ADARB2: variants seen among roughly 807,000 people sequenced by gnomAD.
The protein encoded by ADARB2 is adenosine deaminase RNA specific B2 (inactive).
ADARB2 carries 25 observed loss-of-function variants against 62.2 expected under a neutral mutation model. The ratio of observed to expected loss-of-function variants is 0.40; its 90% CI spans 0.29 to 0.56. ADARB2 has a LOEUF of 0.56. Among genes scored for constraint, ADARB2 ranks in the 20% least tolerant of loss-of-function variants. The probability of loss-of-function intolerance (pLI) is 0.43; values close to 1 mark genes in which losing one functional copy is unlikely to be tolerated. For synonymous variants in ADARB2, 572 were observed against 500.8 expected, an observed-to-expected ratio of 1.14 and a Z score of -1.90; for missense variants, 1,071 against 1,077.4, an observed-to-expected ratio of 0.99 and a Z score of 0.08.
chr10:1,645,533 A>G (rs532285712), intron 1 of ADARB2, among the ~76,000 whole-genome samples: 60 of 152,318 alleles, frequency 3.9e-4, no homozygotes, highest in African/African-American at 1.4e-3. Flanking sequence ...CTTAAAGTCC[A>G]ACTCTGATTG....
intron 1 of ADARB2, among the ~76,000 whole-genome samples, chr10:1,597,567 T>C (rs1159985108): frequency 6.6e-6 from 1 of 152,146 alleles, no homozygotes; most frequent in Non-Finnish European, 1.5e-5. Flanking sequence ...AAAACCACAA[T>C]GGGACATCGT....
In ADARB2 at chr10:1,289,765, C is replaced by T. The variant is rs113269590; in HGVS notation, c.1078-18696G>A. Among the ~76,000 whole-genome samples the T allele has an allele frequency of 9.5e-3, 1,455 of 152,370 alleles. 13 individuals carry two copies. The highest frequency in any genetic ancestry group is 0.03 in the African/African-American group (1,228 of 41,590). On this transcript the variant is annotated intron_variant, in intron 3 of 9. Transcript: ENST00000381312. ...CACAGGATCCAGCCCCTGGGGGGAC[C>T]GCCCGACCTTCACTCCACGGTGGGT...
chr10:1,453,614 G>A (rs1170500354), intron 1 of ADARB2, among the ~76,000 whole-genome samples: 1 of 152,070 alleles, frequency 6.6e-6, no homozygotes, highest in Non-Finnish European at 1.5e-5. Context: ...ATACGAATTG[G>A]TTTCTAGACA....
At chr10:1,202,030 A>G (rs1187388716) in intron 7 of ADARB2, among the ~76,000 whole-genome samples, 1 of 152,190 alleles carries the variant, frequency 6.6e-6, no homozygotes, top group Non-Finnish European at 1.5e-5. Context: ...GAGAATGGCA[A>G]CAAATCCTGG....
At position 1,188,970 on chromosome 10, in the gene ADARB2, C is replaced by T. The variant is rs1055160495; in HGVS notation, c.1865-3931G>A. Among the ~76,000 whole-genome samples the T allele has an allele frequency of 1.4e-3, 216 of 152,234 alleles. 2 individuals carry two copies. The highest frequency in any genetic ancestry group is 5.3e-4 in the Non-Finnish European group (36 of 68,034). ...CCTCTTCCCACGCTGGGGCCCAGCC[C>T]TCCCGCACCAGGTGCCCAGGCTCCA... On this transcript the variant is annotated intron_variant, in intron 8 of 9. Coordinates refer to ENST00000381312, the MANE Select transcript of ADARB2 (RefSeq NM_018702.4).
At chr10:1,206,265 T>C (rs1218476810) in intron 7 of ADARB2, among the ~76,000 whole-genome samples, 1 of 152,250 alleles carries the variant, frequency 6.6e-6, no homozygotes, top group East Asian at 1.9e-4. Context: ...TAACGATTCC[T>C]CCTTAAGCCG....
chr10:1,413,410 C>T (rs1564283352), intron 1 of ADARB2, among the ~76,000 whole-genome samples: 1 of 152,188 alleles, frequency 6.6e-6, no homozygotes, highest in Non-Finnish European at 1.5e-5. Context: ...CATGCCCAAG[C>T]TCTCGGTCTT....
At chr10:1,305,852 AC>A (rs1307667680) in intron 3 of ADARB2, among the ~76,000 whole-genome samples, 1 of 151,754 alleles carries the variant, frequency 6.6e-6, no homozygotes, top group Admixed American at 6.6e-5. Flanking sequence ...AAATTCAACA[AC>A]CCTTCATGCT....
rs141755218 is a variant in ADARB2 at position 1,477,767 on chromosome 10, C to T, written c.101-98607G>A. Among the ~76,000 whole-genome samples, 4 of 152,322 alleles carry T rather than the reference C, an allele frequency of 2.6e-5. No homozygotes were observed. The East Asian group carries it at 5.8e-4, about 22-fold the overall frequency. ...TAGACATAAATAGAGACCACAGCCA[C>T]GTGTTATTTCATGCTATGTTTAAAT... On this transcript the variant is annotated intron_variant, in intron 1 of 9. Transcript: ENST00000381312. The surrounding 1 kb of genome is among the most constrained non-coding windows in gnomAD (Gnocchi z 4.5).
chr10:1,376,121 C>T (rs79378858), intron 2 of ADARB2, among the ~76,000 whole-genome samples: 52 of 152,346 alleles, frequency 3.4e-4, no homozygotes, highest in Middle Eastern at 6.8e-3. Context: ...TCTACCTTCC[C>T]GTGCATCTGG....
chr10:1,651,530 C>G (rs562309085), intron 1 of ADARB2, among the ~76,000 whole-genome samples: 1 of 152,396 alleles, frequency 6.6e-6, no homozygotes, highest in East Asian at 1.9e-4. Context: ...CAACCACACT[C>G]CCTGACTGGA....
Position 1,541,667 on chromosome 10 carries a change from G to A in ADARB2, c.101-162507C>T, listed in dbSNP as rs1289919999. Among the ~76,000 whole-genome samples, 3 of 47,660 alleles carry A rather than the reference G, an allele frequency of 6.3e-5. 1 individual carries two copies. Among genetic ancestry groups the A allele is most frequent in the Non-Finnish European group, 4.0e-5 (1 of 25,236 alleles). 31.3% of individuals were successfully genotyped at this position (47,660 alleles called of 152,430 possible). ...GCAGTTCGGACCCTGGATCACAGCCGCCCAGACCCCACTCAGACGCAGTTC... is the reference window on the plus strand; with the variant it reads ...GCAGTTCGGACCCTGGATCACAGCCACCCAGACCCCACTCAGACGCAGTTC... On this transcript the variant is annotated intron_variant, in intron 1 of 9. Coordinates refer to ENST00000381312, the MANE Select transcript of ADARB2 (RefSeq NM_018702.4).
In ADARB2 at chr10:1,428,289, C is replaced by T. The variant is rs553444298; in HGVS notation, c.101-49129G>A. Among the ~76,000 whole-genome samples, 7 of 137,886 alleles carry T rather than the reference C, an allele frequency of 5.1e-5. No individual in the cohort carries two copies. In the East Asian group the frequency reaches 1.5e-3, roughly 30 times the overall value. 90.5% of individuals were successfully genotyped at this position (137,886 alleles called of 152,430 possible). On this transcript the variant is annotated intron_variant, in intron 1 of 9. Coordinates refer to ENST00000381312, the MANE Select transcript of ADARB2 (RefSeq NM_018702.4). Reference sequence around the variant, plus strand: ...CACCTGCCTCCAAAATGTTTTTATGCCTATTTTTTTTTTTTTTGACAGAGT... The same window carrying T: ...CACCTGCCTCCAAAATGTTTTTATGTCTATTTTTTTTTTTTTTGACAGAGT...
chr10:1,287,793 T>C (rs911381031), intron 3 of ADARB2, among the ~76,000 whole-genome samples: 1 of 152,238 alleles, frequency 6.6e-6, no homozygotes, highest in Admixed American at 6.5e-5. Flanking sequence ...CAACAGCACA[T>C]TCAAAGGTTA....
chr10:1,243,531 C>T (rs1396496609), intron 4 of ADARB2, among the ~76,000 whole-genome samples: 1 of 152,240 alleles, frequency 6.6e-6, no homozygotes. Flanking sequence ...CTTTTTCTCC[C>T]CTGAGAACTT....
intron 1 of ADARB2, among the ~76,000 whole-genome samples, chr10:1,542,380 T>G (rs367799172): frequency 4.1e-4 from 3 of 7,404 alleles, no homozygotes; most frequent in African/African-American, 4.3e-4. Flanking sequence ...CCACTCAGAC[T>G]CAGTTCAGAC....
chr10:1,581,826 ATGTGTGTGTGTGTG>A (rs56180704), intron 1 of ADARB2, among the ~76,000 whole-genome samples: 2,104 of 148,472 alleles, frequency 0.014, 56 homozygotes, highest in African/African-American at 0.049. Context: ...TTAGAAATAG[ATGTGTGTGTGTGTG>A]TGTGTGTGTG....
intron 1 of ADARB2, among the ~76,000 whole-genome samples, chr10:1,486,283 A>G (rs544881127): frequency 2.0e-5 from 3 of 151,710 alleles, no homozygotes; most frequent in Non-Finnish European, 4.4e-5. Flanking sequence ...TCTAGATGGC[A>G]TCTATTCCAG....
At chr10:1,429,070 G>C (rs1830751226) in intron 1 of ADARB2, among the ~76,000 whole-genome samples, 1 of 151,984 alleles carries the variant, frequency 6.6e-6, no homozygotes, top group Admixed American at 6.6e-5. Flanking sequence ...GGTGGGTGGA[G>C]GGCACCAGTG....
Sources: allele counts gnomAD v4.1 joint callset (sites outside exome capture counted in the v4.1 genomes callset), GRCh38; gene constraint gnomAD v4.1.1; non-coding constraint Gnocchi (gnomAD v3.1); transcripts MANE v1.5; gene names NCBI Gene and HGNC (gene_info 2026-07-23, HGNC 2026-07-21).